ARHGAP20: variants seen among roughly 807,000 people sequenced by gnomAD.
ARHGAP20 encodes Rho GTPase activating protein 20.
A neutral mutation model predicts 73.7 loss-of-function variants in ARHGAP20; 34 were observed. The ratio of observed to expected loss-of-function variants is 0.46; its 90% CI spans 0.35 to 0.61. The LOEUF (loss-of-function observed/expected upper bound fraction) is 0.61. ARHGAP20 is among the 20% of genes least tolerant of loss of function. The probability of loss-of-function intolerance (pLI) is 0.00; values close to 1 mark genes in which losing one functional copy is unlikely to be tolerated. For synonymous variants in ARHGAP20, 523 were observed against 518.2 expected, an observed-to-expected ratio of 1.01 and a Z score of -0.13; for missense variants, 1,314 against 1,420.9, an observed-to-expected ratio of 0.92 and a Z score of 1.21.
At chr11:110,616,049 A>G (rs1330503029) in intron 4 of ARHGAP20, among the ~76,000 whole-genome samples, 1 of 152,176 alleles carries the variant, frequency 6.6e-6, no homozygotes. Context: ...GGCCATACAA[A>G]TAGAAAGTAT....
chr11:110,614,442 A>T (rs1002257482), intron 6 of ARHGAP20, 119 bp downstream of exon 6: 1 of 804,654 alleles, frequency 1.2e-6, no homozygotes, highest in Non-Finnish European at 2.0e-6. Context: ...CTAAATGCCT[A>T]CCTTCCATAG....
intron 2 of ARHGAP20, among the ~76,000 whole-genome samples, chr11:110,676,389 G>A (rs143060919): frequency 6.6e-6 from 1 of 152,298 alleles, no homozygotes; most frequent in East Asian, 1.9e-4. Flanking sequence ...GAGGCCTCAG[G>A]AAACTTACAG....
chr11:110,667,361 A>G (rs1949743071), intron 2 of ARHGAP20, among the ~76,000 whole-genome samples: 2 of 152,204 alleles, frequency 1.3e-5, no homozygotes, highest in African/African-American at 4.8e-5. Flanking sequence ...CTTGTGCTCT[A>G]TCATTGGAGC....
At chr11:110,674,915 A>G (rs1949901465) in intron 2 of ARHGAP20, among the ~76,000 whole-genome samples, 1 of 152,118 alleles carries the variant, frequency 6.6e-6, no homozygotes, top group South Asian at 2.1e-4. Context: ...AATTACATAT[A>G]TCATCTCATC....
chr11:110,615,307 T>C (rs1948459245), intron 5 of ARHGAP20, among the ~76,000 whole-genome samples: 1 of 152,198 alleles, frequency 6.6e-6, no homozygotes, highest in Admixed American at 6.5e-5. Context: ...CTAACTTCTG[T>C]CTAAAATGAT....
chr11:110,611,450 A>G (rs533886992), intron 6 of ARHGAP20, 64 bp from the exon 7 acceptor site: 5 of 832,206 alleles, frequency 6.0e-6, no homozygotes, highest in Non-Finnish European at 7.2e-6. Context: ...TTAACAAATA[A>G]TCATTGTCAA....
intron 1 of ARHGAP20, among the ~76,000 whole-genome samples, chr11:110,697,184 T>C (rs1220159891): frequency 4.6e-5 from 7 of 151,786 alleles, no homozygotes; most frequent in Admixed American, 1.3e-4. Flanking sequence ...ACCATAGATA[T>C]TGAACTAATT....
chr11:110,630,389 T>C (rs1455518970), intron 3 of ARHGAP20, among the ~76,000 whole-genome samples: 2 of 152,172 alleles, frequency 1.3e-5, no homozygotes, highest in Non-Finnish European at 2.9e-5. Context: ...ACCCATCACA[T>C]TCTTCATTGA....
intron 9 of ARHGAP20, among the ~76,000 whole-genome samples, chr11:110,605,528 CTT>C (rs1266382255): frequency 6.6e-6 from 1 of 152,114 alleles, no homozygotes; most frequent in East Asian, 1.9e-4. Context: ...AAAAAAAACT[CTT>C]TACAATGAAT....
At chr11:110,666,304 G>A (rs908155267) in intron 2 of ARHGAP20, among the ~76,000 whole-genome samples, 2 of 152,138 alleles carry the variant, frequency 1.3e-5, no homozygotes, top group African/African-American at 4.8e-5. Context: ...TAAATGAAAT[G>A]CAATCACTAT....
intron 2 of ARHGAP20, among the ~76,000 whole-genome samples, chr11:110,661,065 T>C (rs1949600204): frequency 6.6e-6 from 1 of 152,214 alleles, no homozygotes; most frequent in African/African-American, 2.4e-5. Flanking sequence ...GTCAAACCAG[T>C]AGTTTCACTT....
At chr11:110,626,230 A>G (rs1169596093) in intron 3 of ARHGAP20, among the ~76,000 whole-genome samples, 1 of 152,166 alleles carries the variant, frequency 6.6e-6, no homozygotes, top group Admixed American at 6.5e-5. Context: ...GTATTTTCTG[A>G]TGCAAGTCTC....
rs1215285602 is a variant in ARHGAP20, at chr11:110,579,176, G to A, written c.*194C>T. On this transcript the variant is annotated 3_prime_UTR_variant, in exon 15 of 15. Transcript: ENST00000683387. ...TAAGAAAAAGCCTCCCAAACACTTAGGTGACAAAATTTTTAGCATAAAGTA... is the reference window on the plus strand; with the variant it reads ...TAAGAAAAAGCCTCCCAAACACTTAAGTGACAAAATTTTTAGCATAAAGTA... 4 of 1,275,402 alleles carry A rather than the reference G, an allele frequency of 3.1e-6. No homozygotes were observed. The East Asian group carries it at 1.2e-4, about 38-fold the overall frequency. The allele number at this position is 1,275,402 out of a possible 1,614,324, so 79.0% of individuals were successfully genotyped here. A position where few individuals can be genotyped will look rare whatever the true frequency, so the allele number is the denominator to read the frequency against.
chr11:110,626,777 T>G (rs182621748), intron 3 of ARHGAP20, among the ~76,000 whole-genome samples: 2 of 152,250 alleles, frequency 1.3e-5, no homozygotes, highest in Admixed American at 1.3e-4. Flanking sequence ...CTTTCTGATG[T>G]GGCTATTATG....
intron 4 of ARHGAP20, among the ~76,000 whole-genome samples, chr11:110,617,799 T>C (rs1028150716): frequency 1.3e-5 from 2 of 152,148 alleles, no homozygotes; most frequent in Non-Finnish European, 2.9e-5. Context: ...AATGACTATC[T>C]CTGCGTTTTA....
At chr11:110,649,415 G>C (rs1949300852) in intron 2 of ARHGAP20, among the ~76,000 whole-genome samples, 1 of 151,656 alleles carries the variant, frequency 6.6e-6, no homozygotes, top group African/African-American at 2.4e-5. Flanking sequence ...AATCGATCAG[G>C]CACAAGTTGA....
intron 2 of ARHGAP20, among the ~76,000 whole-genome samples, chr11:110,659,991 A>C (rs1172104641): frequency 6.6e-6 from 1 of 151,398 alleles, no homozygotes; most frequent in Non-Finnish European, 1.5e-5. Flanking sequence ...CCAGCATGGC[A>C]CGTGTATACA....
chr11:110,629,868 G>A (rs1948824505), intron 3 of ARHGAP20, among the ~76,000 whole-genome samples: 1 of 152,196 alleles, frequency 6.6e-6, no homozygotes, highest in Non-Finnish European at 1.5e-5. Flanking sequence ...CTCTCGTGAA[G>A]GCTTGTAAGC....
intron 1 of ARHGAP20, among the ~76,000 whole-genome samples, chr11:110,698,766 A>C (rs1950386925): frequency 6.6e-6 from 1 of 151,786 alleles, no homozygotes; most frequent in Admixed American, 6.6e-5. Flanking sequence ...TTGTAATATC[A>C]CCTTTATCAT....
Sources: allele counts gnomAD v4.1 joint callset (sites outside exome capture counted in the v4.1 genomes callset), GRCh38; gene constraint gnomAD v4.1.1; transcripts MANE v1.5; gene names NCBI Gene and HGNC (gene_info 2026-07-23, HGNC 2026-07-21).